Variants in SH3RF1 observed in about 807,000 individuals in gnomAD.
SH3RF1 encodes the protein E3 ubiquitin-protein ligase SH3RF1.
A neutral mutation model predicts 74.0 loss-of-function variants in SH3RF1; 32 were observed. That is an observed-to-expected ratio of 0.43 (90% CI 0.33 to 0.58). SH3RF1 has a LOEUF of 0.58. Among genes scored for constraint, SH3RF1 ranks in the 20% least tolerant of loss-of-function variants. SH3RF1 has a pLI of 0.05. For synonymous variants in SH3RF1, 396 were observed against 439.6 expected (o/e 0.90, Z 1.24); for missense variants, 954 against 1,130.9 (o/e 0.84, Z 2.24).
chr4:169,155,622 C>T (rs753383460), intron 3 of SH3RF1, 47 bp from the exon 4 acceptor site: 4 of 1,345,706 alleles, frequency 3.0e-6, no homozygotes, highest in Non-Finnish European at 4.2e-6. Flanking sequence ...TAAGCTGTAC[C>T]ATTAAGCTTG....
intron 2 of SH3RF1, among the ~76,000 whole-genome samples, chr4:169,200,569 T>C (rs113794102): frequency 1.4e-4 from 21 of 152,214 alleles, no homozygotes; most frequent in African/African-American, 4.1e-4. Flanking sequence ...AGAAACATAA[T>C]GTGAGGAAAA....
intron 11 of SH3RF1, among the ~76,000 whole-genome samples, chr4:169,105,388 T>C (rs562990348): frequency 6.6e-6 from 1 of 152,354 alleles, no homozygotes; most frequent in Admixed American, 6.5e-5. Flanking sequence ...GCTATTTGTC[T>C]CATTAAATAA....
intron 2 of SH3RF1, among the ~76,000 whole-genome samples, chr4:169,171,176 CA>C (rs921651914): frequency 2.6e-5 from 4 of 152,196 alleles, no homozygotes; most frequent in African/African-American, 9.7e-5. Context: ...TCAAATGAGG[CA>C]AACACCACGG....
intron 2 of SH3RF1, among the ~76,000 whole-genome samples, chr4:169,165,317 T>C (rs1734217842): frequency 6.6e-6 from 1 of 151,982 alleles, no homozygotes; most frequent in South Asian, 2.1e-4. Context: ...CCTACAGAAA[T>C]CCAGGAAAGT....
chr4:169,121,988 G>T, intron 7 of SH3RF1, 112 bp downstream of exon 7: 1 of 1,397,530 alleles, frequency 7.2e-7, no homozygotes, highest in South Asian at 1.4e-5. Context: ...AGACCGCTTG[G>T]TGAGCCATAA....
At chr4:169,232,563 G>A (rs1206526260) in intron 2 of SH3RF1, among the ~76,000 whole-genome samples, 3 of 152,146 alleles carry the variant, frequency 2.0e-5, no homozygotes, top group African/African-American at 7.2e-5. Flanking sequence ...AATCCCTAGA[G>A]GTTAAAATAA....
At chr4:169,132,452 C>A (rs1733634298) in intron 5 of SH3RF1, among the ~76,000 whole-genome samples, 3 of 152,140 alleles carry the variant, frequency 2.0e-5, no homozygotes, top group Admixed American at 2.0e-4. Flanking sequence ...TGCAAGTACC[C>A]CTTCAATACA....
intron 2 of SH3RF1, among the ~76,000 whole-genome samples, chr4:169,235,871 G>A (rs1292440329): frequency 6.6e-6 from 1 of 152,118 alleles, no homozygotes; most frequent in Non-Finnish European, 1.5e-5. Flanking sequence ...AGAAGAGACA[G>A]GGTTTCACCA....
At position 169,107,037 on chromosome 4, in the gene SH3RF1, C is replaced by T. The variant is rs1733157125; in HGVS notation, c.2308G>A (p.Ala770Thr). 2 of 1,613,928 alleles carry T rather than the reference C, an allele frequency of 1.2e-6. No homozygotes were observed. The highest frequency in any genetic ancestry group is 1.7e-6 in the Non-Finnish European group (2 of 1,179,960). Residue 770 changes from alanine (A) to threonine (T), a missense_variant, in exon 11 of 12, where the codon GCA (alanine) becomes ACA (threonine). Around this residue, in one of 3 missense-constraint regions of SH3RF1, gnomAD observed 854 missense variants for 962.5 expected, o/e 0.89. Transcript: ENST00000284637. The part of the protein sequence containing the change: ...ELPPGGGHGR[A>T]GSCPVDGDGP... The stretch of plus-strand genomic sequence containing the variant: ...TCCCCGTCCACAGGGCAGGAGCCTG[C>T]CCTGCCATGGCCACCTCCTGGTGGC...
chr4:169,250,803 G>T (rs1472760748), intron 2 of SH3RF1, among the ~76,000 whole-genome samples: 1 of 151,220 alleles, frequency 6.6e-6, no homozygotes, highest in Non-Finnish European at 1.5e-5. Context: ...AGTAGAGTGA[G>T]GGGTGGGGCT....
Position 169,117,622 on chromosome 4 carries a change from C to A in SH3RF1, c.1678G>T (p.Val560Leu). Residue 560 changes from valine to leucine, a missense_variant, in exon 9 of 12, where the codon GTA becomes TTA. This residue lies in a region of SH3RF1 where 854 missense variants were observed against 962.5 expected (regional missense o/e 0.89). Transcript: ENST00000284637. ...GSPSVVPAAV[V>L]SAAHIQTSPQ... ...CTTGTCTGGATGTGAGCTGCTGATACCACAGCTGCGGGGACAACACTGGGA... is the reference window on the plus strand; with the variant it reads ...CTTGTCTGGATGTGAGCTGCTGATAACACAGCTGCGGGGACAACACTGGGA... The A allele has an allele frequency of 6.2e-7, 1 of 1,614,212 alleles. No individual in the cohort carries two copies. The highest frequency in any genetic ancestry group is 1.3e-5 in the African/African-American group (1 of 75,048).
chr4:169,138,912 A>G (rs1386977765), intron 4 of SH3RF1, among the ~76,000 whole-genome samples: 3 of 152,058 alleles, frequency 2.0e-5, no homozygotes. Context: ...CTTTCTTCAT[A>G]TCATATATTC....
intron 4 of SH3RF1, among the ~76,000 whole-genome samples, chr4:169,154,930 T>G (rs573662877): frequency 2.0e-5 from 3 of 152,310 alleles, no homozygotes; most frequent in East Asian, 1.9e-4. Context: ...GACTTTACTA[T>G]GTCAAGCTTG....
chr4:169,258,358 C>T (rs964419609), intron 2 of SH3RF1, among the ~76,000 whole-genome samples: 2 of 152,148 alleles, frequency 1.3e-5, no homozygotes, highest in African/African-American at 4.8e-5. Flanking sequence ...CACTTTGGGG[C>T]CTTTAACCAA....
intron 2 of SH3RF1, among the ~76,000 whole-genome samples, chr4:169,218,607 A>G (rs1730505801): frequency 6.6e-6 from 1 of 151,360 alleles, no homozygotes. Context: ...AGTCACTCAC[A>G]GGGAAGGGCA....
chr4:169,165,422 C>T (rs1257522336), intron 2 of SH3RF1, among the ~76,000 whole-genome samples: 2 of 152,174 alleles, frequency 1.3e-5, no homozygotes, highest in East Asian at 3.8e-4. Flanking sequence ...TGGCTCATGC[C>T]TGCAAACCCA....
chr4:169,256,458 A>C (rs1731196202), intron 2 of SH3RF1, among the ~76,000 whole-genome samples: 1 of 152,258 alleles, frequency 6.6e-6, no homozygotes, highest in African/African-American at 2.4e-5. Context: ...TGTAGTCACT[A>C]ATTTATGAAC....
rs571118452 is a variant in SH3RF1 at position 169,106,660 on chromosome 4, C to A, written c.2498+187G>T. 5.9e-5 allele frequency among the ~76,000 whole-genome samples: 9 copies of A among 151,848 alleles called. No individual in the cohort carries two copies. The South Asian group carries it at 1.9e-3, about 32-fold the overall frequency. ...CTGGGGACCAACCCATTAAGAAACA[C>A]GGAAGGAAAAAGGAAAACAGAGTAT... is the stretch of plus-strand genomic sequence containing the variant. On this transcript the variant is annotated intron_variant, in intron 11 of 11. Coordinates refer to ENST00000284637, the MANE Select transcript of SH3RF1 (RefSeq NM_020870.4).
chr4:169,172,134 G>A (rs1241838963), intron 2 of SH3RF1, among the ~76,000 whole-genome samples: 3 of 152,218 alleles, frequency 2.0e-5, no homozygotes, highest in Non-Finnish European at 2.9e-5. Context: ...GATACTGTAT[G>A]AGCCTAAGAA....
Sources: allele counts gnomAD v4.1 joint callset (sites outside exome capture counted in the v4.1 genomes callset), GRCh38; gene constraint gnomAD v4.1.1; regional missense constraint gnomAD v4.1.1; transcripts MANE v1.5; gene names NCBI Gene and HGNC (gene_info 2026-07-23, HGNC 2026-07-21).